HSD3B7: variants seen among roughly 807,000 people sequenced by gnomAD.
HSD3B7 encodes hydroxy-delta-5-steroid dehydrogenase, 3 beta- and steroid delta-isomerase 7, also known as 3 beta-hydroxysteroid dehydrogenase type 7.
A neutral mutation model predicts 34.3 loss-of-function variants in HSD3B7; 35 were observed. That is an observed-to-expected ratio of 1.02 (90% CI 0.78 to 1.35). The LOEUF (loss-of-function observed/expected upper bound fraction) is 1.35, where lower values mean the gene tolerates loss of function less well. Ranked by LOEUF, HSD3B7 falls within the 40% of genes most tolerant of loss-of-function variation. The pLI is 0.00. For missense variants in HSD3B7, 426 were observed against 504.7 expected (o/e 0.84, Z 1.49); for synonymous variants, 217 against 220.1 (o/e 0.99, Z 0.13).
intron 1 of HSD3B7, 172 bp downstream of exon 1, chr16:30,985,469 C>T (rs2056454240): frequency 2.0e-6 from 3 of 1,476,902 alleles, no homozygotes; most frequent in Non-Finnish European, 2.7e-6. Context: ...GCCCGCCCCT[C>T]TCTCCGTAAC....
chr16:30,986,494 G>A lies in HSD3B7; in HGVS notation c.394G>A (p.Val132Ile), dbSNP rs1424642614. Residue 132 changes from valine to isoleucine, a missense_variant, in exon 4 of 7, where the codon GTT becomes ATT. By Grantham distance (29) the Val-to-Ile change is conservative (BLOSUM62 3). Transcript: ENST00000297679. ...CCTGGTCTACACCAGCAGCATGGAA[G>A]TTGTGGGGCCTAACACCAAAGGTCA... ...RFLVYTSSME[V>I]VGPNTKGHPF... is the part of the protein sequence containing the mutation. 1.2e-6 allele frequency: 2 copies of A among 1,614,192 alleles called. No individual in the cohort carries two copies. The highest frequency in any genetic ancestry group is 1.1e-5 in the South Asian group (1 of 91,092).
intron 2 of HSD3B7, 112 bp downstream of exon 2, chr16:30,985,936 T>C (rs2056466793): frequency 6.3e-7 from 1 of 1,579,158 alleles, no homozygotes; most frequent in African/African-American, 1.3e-5. Context: ...TCTGTCCACA[T>C]GGATGGGTCG....
rs1460472649 is a variant in HSD3B7, at chr16:30,988,196, G to A, written c.*13G>A. On this transcript the variant is annotated 3_prime_UTR_variant, in exon 7 of 7. Coordinates refer to ENST00000297679, the MANE Select transcript of HSD3B7 (RefSeq NM_025193.4). ...TTCAGCCCAGTGACGGTGGGGCTGG[G>A]GCCTGGAGGCCCAGATACAGCACAT... 6.3e-7 allele frequency: 1 copy of A among 1,580,082 alleles called. No individual in the cohort carries two copies. The highest frequency in any genetic ancestry group is 8.6e-7 in the Non-Finnish European group (1 of 1,169,056).
chr16:30,985,317 G>A lies in HSD3B7; in HGVS notation c.-7+20G>A. The A allele has an allele frequency of 4.1e-6, 5 of 1,225,382 alleles. No individual in the cohort carries two copies. The highest frequency in any genetic ancestry group is 4.1e-6 in the Non-Finnish European group (4 of 966,952). The allele number at this position is 1,225,382 out of a possible 1,614,324, so 75.9% of individuals were successfully genotyped here. On this transcript the variant is annotated intron_variant, in intron 1 of 6. Transcript: ENST00000297679. ...CTGCAGGTAGGCAGAGGCGCTGCCA[G>A]TGCCCAGGTGGCCTTTCCCTCCATC...
Position 30,986,837 on chromosome 16 carries a change from C to G in HSD3B7, c.532-3C>G. 6.2e-7 allele frequency: 1 copy of G among 1,614,016 alleles called. No individual in the cohort carries two copies. The stretch of plus-strand genomic sequence containing the variant: ...TCTCAGCAGTACCTGCCTTTGCCAC[C>G]AGGTCCGTGGGGGGCTGCCCCTGGT... On this transcript the variant is annotated splice_polypyrimidine_tract_variant and splice_region_variant and intron_variant, in intron 5 of 6. Transcript: ENST00000297679.
rs2056469522 is a variant in HSD3B7, at chr16:30,986,058, G to A, written c.176G>A (p.Arg59Lys). 4 of 1,613,014 alleles carry A rather than the reference G, an allele frequency of 2.5e-6. No homozygotes were observed. Among genetic ancestry groups the A allele is most frequent in the Admixed American group, 1.7e-5 (1 of 60,026 alleles). The part of the protein sequence containing the change: ...WLEELKTGPV[R>K]VTAIQGDVTQ... ...CTCCAACCCCGGCCAGGGCCTGTGA[G>A]GGTGACTGCCATCCAGGGGGACGTG... Residue 59 changes from arginine to lysine, a missense_variant, in exon 3 of 7, where the codon AGG becomes AAG. By Grantham distance (26) the Arg-to-Lys change is conservative. Coordinates refer to ENST00000297679, the MANE Select transcript of HSD3B7 (RefSeq NM_025193.4).
Position 30,988,891 on chromosome 16 carries a change from G to A in HSD3B7, c.*708G>A, listed in dbSNP as rs2056526607. 2 of 152,370 alleles carry A rather than the reference G, an allele frequency of 1.3e-5. No homozygotes were observed. The highest frequency in any genetic ancestry group is 2.4e-5 in the African/African-American group (1 of 41,434). 9.4% of individuals were successfully genotyped at this position (152,370 alleles called of 1,614,324 possible). A position where few individuals can be genotyped will look rare whatever the true frequency, so the allele number is the denominator to read the frequency against. ...CTCCTGACAGCCACACGCGACCCTC[G>A]GTGCAGAGTGCAGAGGCGGCTCTGG... On this transcript the variant is annotated 3_prime_UTR_variant, in exon 7 of 7. Coordinates refer to ENST00000297679, the MANE Select transcript of HSD3B7 (RefSeq NM_025193.4).
rs1178607692 is a variant in HSD3B7 at position 30,986,472 on chromosome 16, G to C, written c.372G>C (p.Leu124=). The change falls in exon 4 of 7, where the codon CTG becomes CTC. Residue 124 remains leucine, a synonymous_variant. Coordinates refer to ENST00000297679, the MANE Select transcript of HSD3B7 (RefSeq NM_025193.4). ...EACVQTGTRF[L]VYTSSMEVVG... Reference sequence around the variant, plus strand: ...GTGTGCAGACCGGAACACGGTTCCTGGTCTACACCAGCAGCATGGAAGTTG... The same window carrying C: ...GTGTGCAGACCGGAACACGGTTCCTCGTCTACACCAGCAGCATGGAAGTTG... The C allele has an allele frequency of 6.2e-7, 1 of 1,614,136 alleles. No homozygotes were observed. The highest frequency in any genetic ancestry group is 1.1e-5 in the South Asian group (1 of 91,084).
Position 30,987,853 on chromosome 16 carries a change from C to G in HSD3B7, c.780C>G (p.Tyr260Ter), listed in dbSNP as rs752601401. ...TLMGGQVYFC[Y>*]DGSPYRSYED... ...TGGGCGGCCAGGTATACTTCTGCTA[C>G]GATGGATCACCCTACAGGAGCTACG... Residue 260 changes from tyrosine to a stop codon, truncating the protein, a stop_gained, in exon 7 of 7, where the codon TAC (tyrosine) becomes TAG (stop). Transcript: ENST00000297679. LOFTEE classifies it high-confidence loss of function. 6.2e-7 allele frequency: 1 copy of G among 1,613,656 alleles called. No individual in the cohort carries two copies. The highest frequency in any genetic ancestry group is 1.7e-5 in the Admixed American group (1 of 60,030).
rs376499076 is a variant in HSD3B7 at position 30,987,932 on chromosome 16, C to T, written c.859C>T (p.Arg287Cys). The change falls in exon 7 of 7, where the codon CGC becomes TGC. Residue 287 changes from arginine (R) to cysteine (C), a missense_variant. Arg to Cys is a radical substitution (Grantham distance 180, BLOSUM62 -3). Transcript: ENST00000297679. The stretch of plus-strand genomic sequence containing the variant: ...CTGCGGACTGCGGCTGGTGGGCGCC[C>T]GCCCATTGCTGCCCTACTGGCTGCT... ...GPCGLRLVGA[R>C]PLLPYWLLVF... 62 of 1,613,346 alleles carry T rather than the reference C, an allele frequency of 3.8e-5. No homozygotes were observed. Among genetic ancestry groups the T allele is most frequent in the Admixed American group, 1.7e-4 (10 of 60,028 alleles).
At position 30,985,301 on chromosome 16, in the gene HSD3B7, G is replaced by A. The variant is rs548536043; in HGVS notation, c.-7+4G>A. 1.7e-6 allele frequency: 2 copies of A among 1,203,852 alleles called. No individual in the cohort carries two copies. Among genetic ancestry groups the A allele is most frequent in the Admixed American group, 3.7e-5 (1 of 26,762 alleles). 74.6% of individuals were successfully genotyped at this position (1,203,852 alleles called of 1,614,324 possible). A position where few individuals can be genotyped will look rare whatever the true frequency, so the allele number is the denominator to read the frequency against. Reference sequence around the variant, plus strand: ...CACCCTGGGATAGCGGCTGCAGGTAGGCAGAGGCGCTGCCAGTGCCCAGGT... The same window carrying A: ...CACCCTGGGATAGCGGCTGCAGGTAAGCAGAGGCGCTGCCAGTGCCCAGGT... On this transcript the variant is annotated splice_donor_region_variant and intron_variant, in intron 1 of 6. Coordinates refer to ENST00000297679, the MANE Select transcript of HSD3B7 (RefSeq NM_025193.4).
At chr16:30,985,580 G>A (rs546226097) in intron 1 of HSD3B7, 73 bp from the exon 2 acceptor site, 3 of 1,541,034 alleles carry the variant, frequency 1.9e-6, no homozygotes, top group Non-Finnish European at 8.7e-7. Context: ...CCGCTCCAGG[G>A]CACCTCCAGC....
At chr16:30,985,543 C>T (rs762612114) in intron 1 of HSD3B7, 110 bp from the exon 2 acceptor site, 2 of 1,530,986 alleles carry the variant, frequency 1.3e-6, no homozygotes, top group Non-Finnish European at 1.7e-6. Flanking sequence ...ATCAGCTCTG[C>T]CCTCCCCGCA....
In HSD3B7 at chr16:30,988,365, C is replaced by T; in HGVS notation, c.*182C>T. The T allele has an allele frequency of 3.2e-6, 2 of 621,740 alleles. No homozygotes were observed. The highest frequency in any genetic ancestry group is 5.6e-6 in the Non-Finnish European group (2 of 358,258). 38.5% of individuals were successfully genotyped at this position (621,740 alleles called of 1,614,324 possible). The stretch of plus-strand genomic sequence containing the variant: ...TTTTCTTTTTTGAGACAGGGTCTTG[C>T]TCTGTCACCCAGACTGGAGTGCAGT... On this transcript the variant is annotated 3_prime_UTR_variant, in exon 7 of 7. Coordinates refer to ENST00000297679, the MANE Select transcript of HSD3B7 (RefSeq NM_025193.4).
chr16:30,986,797 C>G (rs1475965438), intron 5 of HSD3B7, 43 bp from the exon 6 acceptor site: 1 of 1,613,440 alleles, frequency 6.2e-7, no homozygotes, highest in African/African-American at 1.3e-5. Context: ...CGAGAGCAAG[C>G]TGTCGGGTCC....
At position 30,988,228 on chromosome 16, in the gene HSD3B7, A is replaced by G; in HGVS notation, c.*45A>G. ...AGGCCCAGATACAGCACATCCACCC[A>G]GGTCCCGAGCCCTCACACCCTGGAC... is the stretch of plus-strand genomic sequence containing the variant. On this transcript the variant is annotated 3_prime_UTR_variant, in exon 7 of 7. Transcript: ENST00000297679. 3 of 1,538,922 alleles carry G rather than the reference A, an allele frequency of 1.9e-6. No homozygotes were observed. The highest frequency in any genetic ancestry group is 2.6e-6 in the Non-Finnish European group (3 of 1,145,410).
Position 30,985,221 on chromosome 16 carries a change from G to T in HSD3B7, c.-83G>T. ...AAGGAGGAGCCAGCGGAAGGACGGT[G>T]TGCGGGCCGGCCAGCCCTGGACGAA... is the stretch of plus-strand genomic sequence containing the variant. On this transcript the variant is annotated 5_prime_UTR_variant, in exon 1 of 7. Transcript: ENST00000297679. 9.2e-7 allele frequency: 1 copy of T among 1,090,726 alleles called. No homozygotes were observed. The highest frequency in any genetic ancestry group is 1.1e-6 in the Non-Finnish European group (1 of 890,868). The allele number at this position is 1,090,726 out of a possible 1,614,324, so 67.6% of individuals were successfully genotyped here.
intron 6 of HSD3B7, chr16:30,987,520 A>G (rs2056500489): frequency 1.0e-5 from 6 of 585,456 alleles, no homozygotes; most frequent in Non-Finnish European, 1.8e-5. Flanking sequence ...GCAGTCCCCA[A>G]GCCTCTCAGG....
rs75306226 is a variant in HSD3B7 at position 30,986,409 on chromosome 16, T to G, written c.323-14T>G. 674 of 1,611,400 alleles carry G rather than the reference T, an allele frequency of 4.2e-4. 1 individual carries two copies. In the East Asian group the frequency reaches 5.4e-3, roughly 13 times the overall value. ...GAAGAAGCTGCAGCTTGGATACGCC[T>G]CCTCCTCTGCCAGGTACCCGGAACG... On this transcript the variant is annotated splice_polypyrimidine_tract_variant and intron_variant, in intron 3 of 6. Coordinates refer to ENST00000297679, the MANE Select transcript of HSD3B7 (RefSeq NM_025193.4).
Sources: gnomAD v4.1 joint callset for allele counts on GRCh38, gnomAD v4.1.1 for gene constraint, MANE v1.5 for transcripts, NCBI Gene and HGNC (gene_info 2026-07-23, HGNC 2026-07-21) for gene names.